Variants in RHOBTB1 observed in about 807,000 individuals in gnomAD.
RHOBTB1 encodes rho-related BTB domain-containing protein 1.
A neutral mutation model predicts 71.6 loss-of-function variants in RHOBTB1; 40 were observed. That is an observed-to-expected ratio of 0.56 (90% CI 0.43 to 0.73). RHOBTB1 has a LOEUF of 0.73. RHOBTB1 is among the 30% of genes least tolerant of loss of function. RHOBTB1 has a pLI of 0.00. For missense variants in RHOBTB1, 797 were observed against 894.0 expected, an observed-to-expected ratio of 0.89 and a Z score of 1.38; for synonymous variants, 319 against 334.9, an observed-to-expected ratio of 0.95 and a Z score of 0.52.
chr10:60,931,200 A>G (rs552221802), intron 2 of RHOBTB1, among the ~76,000 whole-genome samples: 2 of 152,276 alleles, frequency 1.3e-5, no homozygotes, highest in Non-Finnish European at 2.9e-5. Context: ...CACGTGCTAC[A>G]CATCTCATTC....
chr10:60,963,037 G>A (rs2085839431), intron 2 of RHOBTB1, among the ~76,000 whole-genome samples: 1 of 152,288 alleles, frequency 6.6e-6, no homozygotes, highest in South Asian at 2.1e-4. Context: ...GGCTACAGAT[G>A]TGATGGCAGA....
At chr10:60,925,671 C>T (rs1220663716) in intron 2 of RHOBTB1, among the ~76,000 whole-genome samples, 1 of 151,404 alleles carries the variant, frequency 6.6e-6, no homozygotes, top group Non-Finnish European at 1.5e-5. Flanking sequence ...AATCTTTAGC[C>T]AGACTAAGAA....
At chr10:60,983,368 T>C (rs886686441) in intron 2 of RHOBTB1, among the ~76,000 whole-genome samples, 5 of 152,214 alleles carry the variant, frequency 3.3e-5, no homozygotes, top group African/African-American at 9.7e-5. Context: ...ATAAGACATA[T>C]GATTTTTCAG....
Position 60,899,269 on chromosome 10 carries a change from T to C in RHOBTB1, c.297-6274A>G, listed in dbSNP as rs145713599. On this transcript the variant is annotated intron_variant, in intron 4 of 10. Coordinates refer to ENST00000337910, the MANE Select transcript of RHOBTB1 (RefSeq NM_014836.5). ...CCTGGTCAACGAATGCAGGAGGCAC[T>C]GAAGTAAAGAAGGCTTGCTAAACAG... Among the ~76,000 whole-genome samples, 1,358 of 152,354 alleles carry C rather than the reference T, an allele frequency of 8.9e-3. 15 individuals are homozygous for C. The highest frequency in any genetic ancestry group is 0.03 in the South Asian group (144 of 4,828).
chr10:60,951,612 G>C (rs2134396577), intron 2 of RHOBTB1, among the ~76,000 whole-genome samples: 1 of 152,274 alleles, frequency 6.6e-6, no homozygotes, highest in African/African-American at 2.4e-5. Flanking sequence ...TGATTCCAGG[G>C]ATCAGAGGCT....
At chr10:60,946,675 G>A (rs973513464), upstream of RHOBTB1, among the ~76,000 whole-genome samples, 4 of 151,970 alleles carry the variant, frequency 2.6e-5, no homozygotes, top group African/African-American at 9.7e-5. Flanking sequence ...TCAGTTCTAA[G>A]TTAAAAAAAG....
At chr10:60,896,138 C>T (rs1185572388) in intron 4 of RHOBTB1, among the ~76,000 whole-genome samples, 1 of 152,188 alleles carries the variant, frequency 6.6e-6, no homozygotes, top group Non-Finnish European at 1.5e-5. Context: ...TGCCAAGGAA[C>T]TAGAGATATT....
chr10:60,959,737 C>A (rs1178250981), intron 2 of RHOBTB1, among the ~76,000 whole-genome samples: 1 of 152,104 alleles, frequency 6.6e-6, no homozygotes, highest in Admixed American at 6.5e-5. Flanking sequence ...CCTGTTTCTG[C>A]AACTAAAAAA....
At chr10:60,893,106 A>T (rs62940062) in intron 4 of RHOBTB1, 111 bp from the exon 5 acceptor site, 22 of 124,772 alleles carry the variant, frequency 1.8e-4, no homozygotes, top group Non-Finnish European at 2.7e-4. Flanking sequence ...TGTCACAATT[A>T]AAAAAAAAAA....
chr10:60,893,006 A>G lies in RHOBTB1; in HGVS notation c.297-11T>C, dbSNP rs780591022. The stretch of plus-strand genomic sequence containing the variant: ...ACCACAACATCAGACCTAAAAGGAA[A>G]TCATAAAAGAAGCTTGTATTGCCTT... On this transcript the variant is annotated splice_polypyrimidine_tract_variant and intron_variant, in intron 4 of 10. Coordinates refer to ENST00000337910, the MANE Select transcript of RHOBTB1 (RefSeq NM_014836.5). 2.5e-6 allele frequency: 4 copies of G among 1,603,004 alleles called. No individual in the cohort carries two copies. Among genetic ancestry groups the G allele is most frequent in the Non-Finnish European group, 3.4e-6 (4 of 1,175,206 alleles).
rs542591270 is a variant in RHOBTB1 at position 60,977,337 on chromosome 10, G to T, written c.-62+8508C>A. Among the ~76,000 whole-genome samples, 3 of 152,104 alleles carry T rather than the reference G, an allele frequency of 2.0e-5. No homozygotes were observed. The East Asian group carries it at 5.8e-4, about 29-fold the overall frequency. Reference sequence around the variant, plus strand: ...GCCAATGACAGCTTCATGGGGTGTTGCCCTATTTATGAAACCTTAACATGT... The same window carrying T: ...GCCAATGACAGCTTCATGGGGTGTTTCCCTATTTATGAAACCTTAACATGT... On this transcript the variant is annotated intron_variant, in intron 2 of 11. Transcript: ENST00000357917.
intron 7 of RHOBTB1, among the ~76,000 whole-genome samples, chr10:60,885,677 G>C (rs911864750): frequency 5.9e-5 from 9 of 152,166 alleles, no homozygotes; most frequent in African/African-American, 1.9e-4. Flanking sequence ...TAGGGGCATA[G>C]CTAAGCCCAG....
chr10:60,990,136 C>G (rs2086809024), intron 1 of RHOBTB1, among the ~76,000 whole-genome samples: 1 of 152,108 alleles, frequency 6.6e-6, no homozygotes, highest in East Asian at 1.9e-4. Context: ...GCGCCCGCCA[C>G]CACGCCTGGA....
At chr10:60,999,675 C>T (rs1228939581) in intron 1 of RHOBTB1, among the ~76,000 whole-genome samples, 1 of 152,150 alleles carries the variant, frequency 6.6e-6, no homozygotes, top group Admixed American at 6.5e-5. Flanking sequence ...TTGAATTCAA[C>T]CTTAAAATGC....
intron 4 of RHOBTB1, among the ~76,000 whole-genome samples, chr10:60,903,353 G>A (rs2082499788): frequency 6.6e-6 from 1 of 152,144 alleles, no homozygotes; most frequent in South Asian, 2.1e-4. Context: ...AATAAGAATG[G>A]AGTCTCATGC....
At chr10:60,948,358 C>A (rs1210804500), upstream of RHOBTB1, among the ~76,000 whole-genome samples, 2 of 152,126 alleles carry the variant, frequency 1.3e-5, no homozygotes, top group Non-Finnish European at 2.9e-5. Flanking sequence ...CATAAAACTC[C>A]TATAGAAAGG....
Position 60,872,933 on chromosome 10 carries a change from T to G in RHOBTB1, c.1816-643A>C, listed in dbSNP as rs1320609013. On this transcript the variant is annotated intron_variant, in intron 9 of 10. Transcript: ENST00000337910. Reference sequence around the variant, plus strand: ...TACTCCCCCATTCCCTCCCCAGACCTGGTGGGCCTGCTGCGATCCCTCACT... The same window carrying G: ...TACTCCCCCATTCCCTCCCCAGACCGGGTGGGCCTGCTGCGATCCCTCACT... 3.3e-5 allele frequency among the ~76,000 whole-genome samples: 5 copies of G among 152,166 alleles called. No individual in the cohort carries two copies. In the East Asian group the frequency reaches 9.6e-4, roughly 29 times the overall value.
chr10:60,869,361 A>C (rs2080674864), downstream of RHOBTB1: 1 of 152,282 alleles, frequency 6.6e-6, no homozygotes, highest in Middle Eastern at 3.2e-3. Context: ...AGCACCCTTA[A>C]TGTTTTGATA....
Position 60,892,996 on chromosome 10 carries a change from C to T in RHOBTB1, c.297-1G>A, listed in dbSNP as rs749934616. On this transcript the variant is annotated splice_acceptor_variant, in intron 4 of 10. Transcript: ENST00000337910. LOFTEE classifies it high-confidence loss of function. Reference sequence around the variant, plus strand: ...AAAACAGAGGACCACAACATCAGACCTAAAAGGAAATCATAAAAGAAGCTT... The same window carrying T: ...AAAACAGAGGACCACAACATCAGACTTAAAAGGAAATCATAAAAGAAGCTT... 1 of 1,605,776 alleles carries T rather than the reference C, an allele frequency of 6.2e-7. No homozygotes were observed. Among genetic ancestry groups the T allele is most frequent in the South Asian group, 1.1e-5 (1 of 89,546 alleles).
Sources: gnomAD v4.1 joint callset for allele counts (sites outside exome capture counted in the v4.1 genomes callset) on GRCh38, gnomAD v4.1.1 for gene constraint, MANE v1.5 for transcripts, NCBI Gene and HGNC (gene_info 2026-07-23, HGNC 2026-07-21) for gene names.